ATP8A2: variants seen among roughly 807,000 people sequenced by gnomAD.
ATP8A2 encodes ATPase phospholipid transporting 8A2.
ATP8A2 carries 100 observed loss-of-function variants against 165.6 expected under a neutral mutation model. The ratio of observed to expected loss-of-function variants is 0.60; its 90% confidence interval spans 0.51 to 0.71. The LOEUF is 0.71. Among genes scored for constraint, ATP8A2 ranks in the 30% least tolerant of loss-of-function variants. The probability of loss-of-function intolerance (pLI) is 0.00; values close to 1 mark genes in which losing one functional copy is unlikely to be tolerated. For missense variants in ATP8A2, 1,227 were observed against 1,479.5 expected, an observed-to-expected ratio of 0.83 and a Z score of 2.80; for synonymous variants, 543 against 548.8, an observed-to-expected ratio of 0.99 and a Z score of 0.15.
intron 2 of ATP8A2, among the ~76,000 whole-genome samples, chr13:25,515,731 T>A (rs555926282): frequency 6.6e-6 from 1 of 152,222 alleles, no homozygotes; most frequent in Non-Finnish European, 1.5e-5. Context: ...ATTGTCAGTC[T>A]GAAGCTAGGC....
intron 1 of ATP8A2, among the ~76,000 whole-genome samples, chr13:25,434,874 A>T (rs536211220): frequency 6.6e-6 from 1 of 152,258 alleles, no homozygotes; most frequent in African/African-American, 2.4e-5. Context: ...TGGTATGGAC[A>T]TATCACTGCA....
chr13:25,538,308 G>T (rs920327153), intron 7 of ATP8A2, among the ~76,000 whole-genome samples: 20 of 152,148 alleles, frequency 1.3e-4, no homozygotes, highest in African/African-American at 1.7e-4. Context: ...GCTATTTGGG[G>T]TTTTTTTCTT....
intron 25 of ATP8A2, among the ~76,000 whole-genome samples, chr13:25,699,785 A>G (rs912717029): frequency 1.3e-5 from 2 of 151,250 alleles, no homozygotes; most frequent in South Asian, 2.1e-4. Context: ...ATGTGATAGC[A>G]ATTTTTGTGG....
chr13:25,709,740 G>A (rs887520980), intron 25 of ATP8A2, among the ~76,000 whole-genome samples: 1 of 152,116 alleles, frequency 6.6e-6, no homozygotes, highest in African/African-American at 2.4e-5. Context: ...AATGATATTA[G>A]TTTAATGACA....
chr13:25,479,379 T>C (rs1319682865), intron 2 of ATP8A2, among the ~76,000 whole-genome samples: 3 of 152,254 alleles, frequency 2.0e-5, no homozygotes, highest in Non-Finnish European at 2.9e-5. Context: ...AAAATGGTTT[T>C]AAAGAGCTTT....
At position 25,372,403 on chromosome 13, in the gene ATP8A2, C is replaced by CCTGGGCTCT. The variant is rs2032441291; in HGVS notation, c.76+123_76+131dup. The CCTGGGCTCT allele has an allele frequency of 1.3e-6, 1 of 745,230 alleles. No homozygotes were observed. Among genetic ancestry groups the CCTGGGCTCT allele is most frequent in the Non-Finnish European group, 1.9e-6 (1 of 533,340 alleles). 46.2% of individuals were successfully genotyped at this position (745,230 alleles called of 1,614,324 possible). On this transcript the variant is annotated intron_variant, in intron 1 of 36. Coordinates refer to ENST00000381655, the MANE Select transcript of ATP8A2 (RefSeq NM_016529.6). The surrounding 1 kb of genome is among the most constrained non-coding windows in gnomAD (Gnocchi z 4.8). ...GCGCCCCGCTCCCCTCCCTGGGCTC[C>CCTGGGCTCT]CTGGGCTCTCTGGGCTGCAGGATCC...
intron 25 of ATP8A2, among the ~76,000 whole-genome samples, chr13:25,707,460 G>A (rs140598373): frequency 2.8e-4 from 43 of 152,220 alleles, no homozygotes; most frequent in African/African-American, 9.4e-4. Flanking sequence ...AAAAAGTAGC[G>A]TATCAACTTT....
chr13:25,772,740 ATTTATTT>A, intron 26 of ATP8A2, among the ~76,000 whole-genome samples: 1 of 150,734 alleles, frequency 6.6e-6, no homozygotes, highest in African/African-American at 2.4e-5. Flanking sequence ...TAATTAATTT[ATTTATTT>A]ATTTATTTAT....
intron 8 of ATP8A2, among the ~76,000 whole-genome samples, chr13:25,541,172 A>G (rs1167473700): frequency 1.3e-5 from 2 of 152,162 alleles, no homozygotes; most frequent in African/African-American, 4.8e-5. Flanking sequence ...GCCAAGAATG[A>G]AGAATGGTCT....
At chr13:25,974,076 A>G (rs570354932) in intron 35 of ATP8A2, among the ~76,000 whole-genome samples, 1 of 152,228 alleles carries the variant, frequency 6.6e-6, no homozygotes, top group South Asian at 2.1e-4. Flanking sequence ...CAGCTCTGTC[A>G]TGAAGCAGAG....
intron 25 of ATP8A2, among the ~76,000 whole-genome samples, chr13:25,757,160 G>A (rs2044280602): frequency 6.6e-6 from 1 of 152,226 alleles, no homozygotes. Flanking sequence ...TAGCCCACAG[G>A]ATCATGAAGG....
At chr13:25,772,724 TTTAA>T (rs527292899) in intron 26 of ATP8A2, among the ~76,000 whole-genome samples, 5 of 148,990 alleles carry the variant, frequency 3.4e-5, no homozygotes, top group African/African-American at 4.9e-5. Flanking sequence ...GAGAGTTACA[TTTAA>T]TTAATTAATT....
intron 24 of ATP8A2, among the ~76,000 whole-genome samples, chr13:25,656,086 C>T (rs2041920815): frequency 6.6e-6 from 1 of 152,166 alleles, no homozygotes; most frequent in Non-Finnish European, 1.5e-5. Flanking sequence ...AACCTTGGAC[C>T]CATCGCTGAA....
At chr13:25,925,187 G>A (rs1220420085) in intron 33 of ATP8A2, among the ~76,000 whole-genome samples, 1 of 152,160 alleles carries the variant, frequency 6.6e-6, no homozygotes, top group East Asian at 1.9e-4. Flanking sequence ...AGCTGGGTTT[G>A]TGAAGTCACA....
At chr13:25,820,826 A>G (rs1050751507) in intron 27 of ATP8A2, among the ~76,000 whole-genome samples, 3 of 152,208 alleles carry the variant, frequency 2.0e-5, no homozygotes, top group African/African-American at 7.2e-5. Context: ...CATTTCACCT[A>G]TGGAAACCTT....
At chr13:26,013,790 G>A (rs1016691627) in intron 36 of ATP8A2, among the ~76,000 whole-genome samples, 4 of 152,234 alleles carry the variant, frequency 2.6e-5, no homozygotes, top group African/African-American at 9.6e-5. Context: ...CTGTCAACAG[G>A]TATTTGCAGA....
chr13:25,870,961 G>C (rs559162691), intron 33 of ATP8A2, among the ~76,000 whole-genome samples: 1 of 152,176 alleles, frequency 6.6e-6, no homozygotes, highest in South Asian at 2.1e-4. Context: ...TATTTTTTAC[G>C]TTCATTATAG....
At chr13:25,737,581 C>T (rs1204892268) in intron 25 of ATP8A2, among the ~76,000 whole-genome samples, 1 of 152,024 alleles carries the variant, frequency 6.6e-6, no homozygotes, top group Non-Finnish European at 1.5e-5. Flanking sequence ...CTCACTGGAG[C>T]CTTGACCTCC....
chr13:25,934,662 G>C (rs1954839330), intron 33 of ATP8A2, among the ~76,000 whole-genome samples: 1 of 152,196 alleles, frequency 6.6e-6, no homozygotes, highest in South Asian at 2.1e-4. Context: ...GGTGGCTCTA[G>C]AACTGTTACC....
Sources: gnomAD v4.1 joint callset for allele counts (sites outside exome capture counted in the v4.1 genomes callset) on GRCh38, gnomAD v4.1.1 for gene constraint, Gnocchi (gnomAD v3.1) non-coding constraint, MANE v1.5 for transcripts, NCBI Gene and HGNC (gene_info 2026-07-23, HGNC 2026-07-21) for gene names.